Variants in CLMN observed in about 807,000 individuals in gnomAD.
CLMN encodes calmin (calponin-like, transmembrane).
CLMN carries 57 observed loss-of-function variants against 92.7 expected under a neutral mutation model. The ratio of observed to expected loss-of-function variants is 0.61; its 90% confidence interval spans 0.50 to 0.77. CLMN has a LOEUF of 0.77. Ranked by LOEUF, CLMN falls within the 30% of genes least tolerant of loss-of-function variation. CLMN has a pLI of 0.00. For synonymous variants in CLMN, 466 were observed against 470.6 expected, an observed-to-expected ratio of 0.99 and a Z score of 0.13; for missense variants, 1,158 against 1,237.5, an observed-to-expected ratio of 0.94 and a Z score of 0.96.
rs188674437 is a variant in CLMN, at chr14:95,249,899, C to T, written c.83-19766G>A. On this transcript the variant is annotated intron_variant, in intron 1 of 12. Coordinates refer to ENST00000298912, the MANE Select transcript of CLMN (RefSeq NM_024734.4). The stretch of plus-strand genomic sequence containing the variant: ...GGTTTAAAAACAACCATTTCCCAGC[C>T]TTCTTGCACTCAGAGGTAGCCATGT... 2.9e-4 allele frequency among the ~76,000 whole-genome samples: 44 copies of T among 152,326 alleles called. No individual in the cohort carries two copies. In the East Asian group the frequency reaches 7.7e-3, roughly 27 times the overall value.
In CLMN at chr14:95,191,551, C is replaced by T. The variant is rs377212957; in HGVS notation, c.*13G>A. 7 of 1,602,602 alleles carry T rather than the reference C, an allele frequency of 4.4e-6. No individual in the cohort carries two copies. Among genetic ancestry groups the T allele is most frequent in the Non-Finnish European group, 6.0e-6 (7 of 1,175,070 alleles). ...GTCAGGGTCCTGTCTTTTTTATTAT[C>T]CAGACACACGTATCAGAGCCTGCTA... On this transcript the variant is annotated 3_prime_UTR_variant, in exon 13 of 13. Coordinates refer to ENST00000298912, the MANE Select transcript of CLMN (RefSeq NM_024734.4). The surrounding 1 kb of genome is among the most constrained non-coding windows in gnomAD (Gnocchi z 5.3).
chr14:95,295,506 G>A (rs1900774783), intron 1 of CLMN, among the ~76,000 whole-genome samples: 1 of 152,214 alleles, frequency 6.6e-6, no homozygotes, highest in Non-Finnish European at 1.5e-5. Context: ...AGCTGAGAAT[G>A]GCAAGAAGAA....
intron 1 of CLMN, among the ~76,000 whole-genome samples, chr14:95,232,039 GA>G (rs1232496125): frequency 6.6e-6 from 1 of 152,224 alleles, no homozygotes; most frequent in African/African-American, 2.4e-5. Context: ...TACAGATGAA[GA>G]AACGGAGGGG....
chr14:95,312,407 G>T (rs1175262853), intron 1 of CLMN, among the ~76,000 whole-genome samples: 1 of 152,172 alleles, frequency 6.6e-6, no homozygotes, highest in Non-Finnish European at 1.5e-5. Flanking sequence ...GGAGAAGAAG[G>T]CTGGGCTGCC....
intron 1 of CLMN, among the ~76,000 whole-genome samples, chr14:95,316,773 A>C (rs1362134529): frequency 1.3e-5 from 2 of 152,230 alleles, no homozygotes; most frequent in Admixed American, 6.5e-5. Context: ...TTGTAAGCTC[A>C]GGGCTACCCC....
chr14:95,228,777 C>T (rs147635005), intron 2 of CLMN, among the ~76,000 whole-genome samples: 166 of 152,310 alleles, frequency 1.1e-3, no homozygotes, highest in African/African-American at 3.8e-3. Flanking sequence ...TGGGTTCAAG[C>T]GATTCTCCAG....
At chr14:95,274,062 G>A (rs770523985) in intron 1 of CLMN, among the ~76,000 whole-genome samples, 2 of 152,128 alleles carry the variant, frequency 1.3e-5, no homozygotes, top group Non-Finnish European at 2.9e-5. Context: ...CATTACCCGG[G>A]TTCTGGCTTA....
chr14:95,196,385 C>A (rs1896712562), intron 10 of CLMN, 113 bp downstream of exon 10: 5 of 1,034,932 alleles, frequency 4.8e-6, no homozygotes, highest in Non-Finnish European at 7.0e-6. Context: ...AGCTGTATTT[C>A]CCTTGCTGTC....
chr14:95,227,746 G>T (rs941972596), intron 2 of CLMN, among the ~76,000 whole-genome samples: 1 of 152,166 alleles, frequency 6.6e-6, no homozygotes, highest in African/African-American at 2.4e-5. Context: ...GATTGGTATG[G>T]CCGAATAAAC....
chr14:95,319,420 G>T (rs1482935973), intron 1 of CLMN, among the ~76,000 whole-genome samples: 3 of 152,216 alleles, frequency 2.0e-5, no homozygotes, highest in East Asian at 1.9e-4. Context: ...CAAACTCGCA[G>T]CGGTGACTGG....
chr14:95,225,026 A>G (rs17191093), intron 2 of CLMN, among the ~76,000 whole-genome samples: 53,259 of 151,948 alleles, frequency 0.35, 9,777 homozygotes, highest in Non-Finnish European at 0.38. Flanking sequence ...ACGTGTGTAG[A>G]CTTACTAGGA....
chr14:95,231,798 G>A (rs1015136302), intron 1 of CLMN, among the ~76,000 whole-genome samples: 4 of 152,136 alleles, frequency 2.6e-5, no homozygotes, highest in African/African-American at 7.2e-5. Context: ...TTCCAATCAT[G>A]GCAAAGGTGT....
At chr14:95,298,183 G>A (rs537597650) in intron 1 of CLMN, among the ~76,000 whole-genome samples, 13 of 152,084 alleles carry the variant, frequency 8.5e-5, no homozygotes, top group African/African-American at 2.7e-4. Flanking sequence ...TTCTAGCTGG[G>A]CTCCTGCCTG....
Position 95,191,757 on chromosome 14 carries a change from G to T in CLMN, c.2841-25C>A, listed in dbSNP as rs200485720. On this transcript the variant is annotated intron_variant, in intron 12 of 12. Transcript: ENST00000298912. This position sits in a 1 kb window ranked among gnomAD's most constrained non-coding sequence, Gnocchi z 5.3. ...CCTACAGAAGAAACACAGAGGAAACGCAGTTACCAAGCAGGTTCCCAGGAA... is the reference window on the plus strand; with the variant it reads ...CCTACAGAAGAAACACAGAGGAAACTCAGTTACCAAGCAGGTTCCCAGGAA... 4 of 1,583,378 alleles carry T rather than the reference G, an allele frequency of 2.5e-6. No individual in the cohort carries two copies. In the Admixed American group the frequency reaches 7.1e-5, roughly 28 times the overall value.
intron 1 of CLMN, among the ~76,000 whole-genome samples, chr14:95,292,676 G>C (rs1900621869): frequency 6.6e-6 from 1 of 152,126 alleles, no homozygotes; most frequent in African/African-American, 2.4e-5. Context: ...GCTGGTGGTA[G>C]GGGAGGGTGG....
intron 1 of CLMN, among the ~76,000 whole-genome samples, chr14:95,263,940 C>T (rs1899361739): frequency 6.6e-6 from 1 of 152,190 alleles, no homozygotes; most frequent in Non-Finnish European, 1.5e-5. Flanking sequence ...CCCTCTGAGT[C>T]CGGATTCATG....
At chr14:95,246,556 C>T (rs537941910) in intron 1 of CLMN, among the ~76,000 whole-genome samples, 9 of 152,238 alleles carry the variant, frequency 5.9e-5, no homozygotes, top group Non-Finnish European at 1.2e-4. Flanking sequence ...GCAAGCTCCA[C>T]CTCCCGGGTT....
At chr14:95,312,809 T>C (rs774776793) in intron 1 of CLMN, among the ~76,000 whole-genome samples, 57 of 152,150 alleles carry the variant, frequency 3.7e-4, no homozygotes, top group Non-Finnish European at 6.2e-4. Context: ...TGTGGGGGCA[T>C]CTTGACGGCT....
intron 1 of CLMN, among the ~76,000 whole-genome samples, chr14:95,272,333 G>A (rs944159491): frequency 1.3e-5 from 2 of 152,118 alleles, no homozygotes; most frequent in African/African-American, 4.8e-5. Flanking sequence ...GGGTATTAGA[G>A]GGATCCTGGC....
Sources: gnomAD v4.1 joint callset for allele counts (sites outside exome capture counted in the v4.1 genomes callset) on GRCh38, gnomAD v4.1.1 for gene constraint, Gnocchi (gnomAD v3.1) non-coding constraint, MANE v1.5 for transcripts, NCBI Gene and HGNC (gene_info 2026-07-23, HGNC 2026-07-21) for gene names.